EPHA5: variants seen among roughly 807,000 people sequenced by gnomAD.
The protein encoded by EPHA5 is EPH receptor A5.
Under a neutral mutation model 105.0 loss-of-function variants are expected in EPHA5, and 60 were observed. The observed-to-expected ratio is 0.57, with a 90% CI of 0.46 to 0.71. The LOEUF (loss-of-function observed/expected upper bound fraction) is 0.71, where lower values mean the gene tolerates loss of function less well. Ranked by LOEUF, EPHA5 falls within the 30% of genes least tolerant of loss-of-function variation. The pLI, the probability that EPHA5 is intolerant of heterozygous loss-of-function variation, is 0.00. For missense variants in EPHA5, 1,218 were observed against 1,274.7 expected (o/e 0.96, Z 0.68); for synonymous variants, 513 against 449.1 (o/e 1.14, Z -1.80).
intron 6 of EPHA5, among the ~76,000 whole-genome samples, chr4:65,418,677 C>T (rs947886249): frequency 6.6e-6 from 1 of 151,878 alleles, no homozygotes; most frequent in Non-Finnish European, 1.5e-5. Context: ...AATCAATATA[C>T]GAACATTGTA....
intron 5 of EPHA5, among the ~76,000 whole-genome samples, chr4:65,432,034 C>A (rs1725027974): frequency 6.6e-6 from 1 of 152,088 alleles, no homozygotes; most frequent in Non-Finnish European, 1.5e-5. Flanking sequence ...ATAAAACTGA[C>A]AAATGTCAGT....
At chr4:65,512,949 A>T (rs1733763058) in intron 3 of EPHA5, among the ~76,000 whole-genome samples, 1 of 152,164 alleles carries the variant, frequency 6.6e-6, no homozygotes, top group Non-Finnish European at 1.5e-5. Flanking sequence ...TTTAAAAGCC[A>T]GATGCGTGAT....
intron 2 of EPHA5, among the ~76,000 whole-genome samples, chr4:65,605,605 C>T (rs1038143827): frequency 2.6e-5 from 4 of 152,000 alleles, no homozygotes; most frequent in African/African-American, 9.7e-5. Context: ...TAGGGGTGCC[C>T]ATTATCTAGT....
chr4:65,527,343 C>A (rs78545560), intron 3 of EPHA5, among the ~76,000 whole-genome samples: 9,446 of 151,994 alleles, frequency 0.062, 421 homozygotes, highest in East Asian at 0.16. Context: ...TAAAAGTTGT[C>A]AAGTTATACG....
At chr4:65,331,613 G>T in intron 16 of EPHA5, 1 of 1,070,174 alleles carries the variant, frequency 9.3e-7, no homozygotes, top group Non-Finnish European at 1.1e-6. Context: ...CACCAATTGT[G>T]CTTACAGTTT....
intron 1 of EPHA5, among the ~76,000 whole-genome samples, chr4:65,660,614 G>T (rs754744659): frequency 1.3e-5 from 2 of 152,010 alleles, no homozygotes; most frequent in Non-Finnish European, 2.9e-5. Context: ...GCAACCTTTT[G>T]GATGTACCTT....
intron 1 of EPHA5, among the ~76,000 whole-genome samples, chr4:65,662,067 C>A (rs1749602199): frequency 6.6e-6 from 1 of 151,794 alleles, no homozygotes; most frequent in South Asian, 2.1e-4. Context: ...GGGCTCTTAC[C>A]CTCTTAAATC....
At chr4:65,389,538 TAATC>T (rs1323891251) in intron 8 of EPHA5, among the ~76,000 whole-genome samples, 1 of 152,062 alleles carries the variant, frequency 6.6e-6, no homozygotes, top group Non-Finnish European at 1.5e-5. Context: ...AATGATTAAA[TAATC>T]AAAGCTACAT....
At chr4:65,488,592 C>T (rs573856093) in intron 5 of EPHA5, among the ~76,000 whole-genome samples, 15 of 152,208 alleles carry the variant, frequency 9.9e-5, no homozygotes, top group African/African-American at 3.4e-4. Flanking sequence ...AATTGATTTT[C>T]GCTATTCCTG....
chr4:65,377,452 C>T (rs1338069780), intron 8 of EPHA5, among the ~76,000 whole-genome samples: 1 of 151,880 alleles, frequency 6.6e-6, no homozygotes, highest in African/African-American at 2.4e-5. Context: ...CCTTTAAATA[C>T]ATGTTTTGCA....
chr4:65,385,352 G>A (rs1719979505), intron 8 of EPHA5, among the ~76,000 whole-genome samples: 1 of 151,758 alleles, frequency 6.6e-6, no homozygotes. Flanking sequence ...GGAAAAATCA[G>A]AAAGACTAAG....
intron 1 of EPHA5, 79 bp downstream of exon 1, chr4:65,669,483 C>T (rs551459237): frequency 1.1e-5 from 14 of 1,278,146 alleles, no homozygotes; most frequent in Non-Finnish European, 1.4e-5. Context: ...CAGCGTCCAG[C>T]GCGCTGAGAC....
intron 8 of EPHA5, among the ~76,000 whole-genome samples, chr4:65,378,771 T>C (rs1719264987): frequency 6.7e-6 from 1 of 149,334 alleles, no homozygotes; most frequent in Non-Finnish European, 1.5e-5. Context: ...TCTTGTTTGC[T>C]TGTTTTCTTT....
chr4:65,433,700 A>T (rs1725208858), intron 5 of EPHA5, among the ~76,000 whole-genome samples: 1 of 152,128 alleles, frequency 6.6e-6, no homozygotes, highest in Non-Finnish European at 1.5e-5. Flanking sequence ...CAGAAAATCC[A>T]TTTCTATGTC....
At chr4:65,576,117 A>C in intron 3 of EPHA5, among the ~76,000 whole-genome samples, 1 of 142,836 alleles carries the variant, frequency 7.0e-6, no homozygotes, top group South Asian at 2.2e-4. Context: ...AGAAAAGAAA[A>C]AAGAAAAGAA....
chr4:65,345,679 A>C (rs988001076), intron 14 of EPHA5, among the ~76,000 whole-genome samples: 3 of 152,218 alleles, frequency 2.0e-5, no homozygotes, highest in Non-Finnish European at 2.9e-5. Context: ...CAGACAGATA[A>C]CTCACTTGAG....
intron 8 of EPHA5, among the ~76,000 whole-genome samples, chr4:65,387,868 C>A (rs935893245): frequency 3.3e-5 from 5 of 151,034 alleles, no homozygotes; most frequent in African/African-American, 1.2e-4. Flanking sequence ...GCACAATGTG[C>A]AGGTTAGTTA....
At chr4:65,359,495 A>G (rs1320103876) in intron 11 of EPHA5, among the ~76,000 whole-genome samples, 2 of 151,654 alleles carry the variant, frequency 1.3e-5, no homozygotes, top group African/African-American at 4.8e-5. Flanking sequence ...CCACAACTGA[A>G]CTACTGATTA....
intron 3 of EPHA5, among the ~76,000 whole-genome samples, chr4:65,525,783 T>C (rs539242098): frequency 6.6e-4 from 100 of 152,034 alleles, no homozygotes; most frequent in African/African-American, 2.2e-3. Flanking sequence ...ACAAAATTTA[T>C]AGCTTATCAA....
Sources: allele counts gnomAD v4.1 joint callset (sites outside exome capture counted in the v4.1 genomes callset), GRCh38; gene constraint gnomAD v4.1.1; transcripts MANE v1.5; gene names NCBI Gene and HGNC (gene_info 2026-07-23, HGNC 2026-07-21).